NBEA: variants seen among roughly 807,000 people sequenced by gnomAD.
NBEA encodes the protein lysosomal-trafficking regulator 2.
NBEA carries 44 observed loss-of-function variants against 343.4 expected under a neutral mutation model. That is an observed-to-expected ratio of 0.13 (90% CI 0.10 to 0.16). NBEA has a LOEUF of 0.16. NBEA is among the 10% of genes least tolerant of loss of function. The probability of loss-of-function intolerance (pLI) is 1.00; values close to 1 mark genes in which losing one functional copy is unlikely to be tolerated. For missense variants in NBEA, 2,555 were observed against 3,631.3 expected, an observed-to-expected ratio of 0.70 and a Z score of 7.62; for synonymous variants, 1,175 against 1,238.7, an observed-to-expected ratio of 0.95 and a Z score of 1.08.
intron 38 of NBEA, among the ~76,000 whole-genome samples, chr13:35,369,381 G>A (rs778724989): frequency 2.6e-5 from 4 of 151,594 alleles, no homozygotes; most frequent in Non-Finnish European, 5.9e-5. Context: ...CTCTTTTAGG[G>A]TTCCATATGA....
At chr13:35,389,763 T>C (rs2042408793) in intron 38 of NBEA, among the ~76,000 whole-genome samples, 1 of 152,132 alleles carries the variant, frequency 6.6e-6, no homozygotes, top group Admixed American at 6.6e-5. Flanking sequence ...TTAAAAGGAA[T>C]ATAATGGCAG....
chr13:35,426,522 G>A (rs1028664513), intron 38 of NBEA, among the ~76,000 whole-genome samples: 4 of 152,206 alleles, frequency 2.6e-5, no homozygotes, highest in African/African-American at 9.7e-5. Context: ...TCAGCTGTTA[G>A]TCTGATGGGC....
At chr13:35,422,127 A>G (rs1207091714) in intron 38 of NBEA, among the ~76,000 whole-genome samples, 3 of 145,772 alleles carry the variant, frequency 2.1e-5, no homozygotes, top group Non-Finnish European at 4.5e-5. Flanking sequence ...GTTCTTTCAC[A>G]TGCAGAGCAT....
rs768336713 is a variant in NBEA at position 35,511,457 on chromosome 13, C to A, written c.6585+38921C>A. Among the ~76,000 whole-genome samples the A allele has an allele frequency of 7.2e-5, 11 of 151,942 alleles. No homozygotes were observed. The East Asian group carries it at 1.9e-3, about 27-fold the overall frequency. On this transcript the variant is annotated intron_variant, in intron 41 of 58. Transcript: ENST00000379939. ...CTACAATGAAATATTAAGTACAGAACCTATTACAGATTTTTCGAGCAAGGA... is the reference window on the plus strand; with the variant it reads ...CTACAATGAAATATTAAGTACAGAAACTATTACAGATTTTTCGAGCAAGGA...
intron 34 of NBEA, among the ~76,000 whole-genome samples, chr13:35,258,527 A>C (rs749647264): frequency 7.5e-5 from 9 of 120,190 alleles, no homozygotes; most frequent in Non-Finnish European, 1.2e-4. Context: ...ATCTGTTCTT[A>C]ATTTACTGGC....
chr13:35,294,346 T>C (rs995099207), intron 35 of NBEA, among the ~76,000 whole-genome samples: 4 of 151,916 alleles, frequency 2.6e-5, no homozygotes, highest in African/African-American at 9.7e-5. Context: ...GAAAAAAATA[T>C]ACTTTTCTTC....
chr13:35,668,272 G>T (rs1392449451), intron 57 of NBEA, 96 bp from the exon 58 acceptor site: 1 of 1,223,686 alleles, frequency 8.2e-7, no homozygotes, highest in Non-Finnish European at 1.1e-6. Context: ...TTTCAGTAGT[G>T]ACAGTTGGCT....
chr13:35,486,077 A>G (rs1178688413), intron 41 of NBEA, among the ~76,000 whole-genome samples: 1 of 152,082 alleles, frequency 6.6e-6, no homozygotes, highest in African/African-American at 2.4e-5. Flanking sequence ...CTTCACCTGA[A>G]TGAATGGTAA....
chr13:35,088,648 G>A (rs1378612059), intron 10 of NBEA, among the ~76,000 whole-genome samples: 1 of 151,874 alleles, frequency 6.6e-6, no homozygotes, highest in East Asian at 1.9e-4. Context: ...ATACATAGTA[G>A]TATACAAACT....
At chr13:35,232,257 G>T (rs1439554483) in intron 33 of NBEA, among the ~76,000 whole-genome samples, 1 of 152,120 alleles carries the variant, frequency 6.6e-6, no homozygotes, top group African/African-American at 2.4e-5. Context: ...CTTTCGGGTG[G>T]CATAACCCCA....
rs181473141 is a variant in NBEA, at chr13:35,161,612, T to C, written c.3862-138T>C. On this transcript the variant is annotated intron_variant, in intron 22 of 58. Coordinates refer to ENST00000379939, the MANE Select transcript of NBEA (RefSeq NM_001385012.1). The stretch of plus-strand genomic sequence containing the variant: ...GTGCAAGGAATTACCAGGTGAATAA[T>C]ATATGTGAAATATATTAAACTGCTA... 1.5e-3 allele frequency: 1,136 copies of C among 756,156 alleles called. 2 individuals are homozygous for C. Among genetic ancestry groups the C allele is most frequent in the Non-Finnish European group, 1.9e-3 (939 of 487,112 alleles). 46.8% of individuals were successfully genotyped at this position (756,156 alleles called of 1,614,324 possible). A position where few individuals can be genotyped will look rare whatever the true frequency, so the allele number is the denominator to read the frequency against.
intron 38 of NBEA, among the ~76,000 whole-genome samples, chr13:35,404,599 G>T (rs1263469188): frequency 8.7e-6 from 1 of 115,020 alleles, no homozygotes; most frequent in African/African-American, 3.4e-5. Flanking sequence ...TCTGGGGACT[G>T]TTGTGGGGTG....
At chr13:35,539,643 G>A (rs11841108) in intron 41 of NBEA, among the ~76,000 whole-genome samples, 4,661 of 141,580 alleles carry the variant, frequency 0.033, 100 homozygotes, top group South Asian at 0.12. Flanking sequence ...AGGGCCGGGC[G>A]GGGTGGCTCA....
rs1425389624 is a variant in NBEA, at chr13:35,609,337, T to G, written c.7449+2759T>G. On this transcript the variant is annotated intron_variant, in intron 48 of 58. Coordinates refer to ENST00000379939, the MANE Select transcript of NBEA (RefSeq NM_001385012.1). ...ATTTCCTGCTAGAAGAGTACTATTT[T>G]CAGTGGTACCCATTCCATTCAGTGT... Among the ~76,000 whole-genome samples, 3 of 152,344 alleles carry G rather than the reference T, an allele frequency of 2.0e-5. No individual in the cohort carries two copies. The East Asian group carries it at 5.8e-4, about 29-fold the overall frequency.
intron 31 of NBEA, among the ~76,000 whole-genome samples, chr13:35,197,175 A>G (rs900885243): frequency 6.6e-6 from 1 of 152,162 alleles, no homozygotes; most frequent in East Asian, 1.9e-4. Flanking sequence ...GTTAATGCCT[A>G]TTCCAAATAA....
intron 37 of NBEA, among the ~76,000 whole-genome samples, chr13:35,350,287 A>C (rs2040120659): frequency 6.6e-6 from 1 of 152,156 alleles, no homozygotes; most frequent in Non-Finnish European, 1.5e-5. Context: ...AACCAAGGTG[A>C]CATTAAGCCA....
At chr13:35,171,026 A>G in intron 25 of NBEA, 1 of 592,268 alleles carries the variant, frequency 1.7e-6, no homozygotes. Flanking sequence ...TTTTATAACT[A>G]AAGACATTTA....
chr13:35,099,904 T>A (rs2065552317), intron 11 of NBEA, among the ~76,000 whole-genome samples: 1 of 152,124 alleles, frequency 6.6e-6, no homozygotes, highest in African/African-American at 2.4e-5. Flanking sequence ...AGCGTTTTTT[T>A]ATAACAAATA....
chr13:35,383,983 A>G (rs1327097155), intron 38 of NBEA, among the ~76,000 whole-genome samples: 1 of 152,054 alleles, frequency 6.6e-6, no homozygotes, highest in Admixed American at 6.6e-5. Context: ...TGGCTGGCCA[A>G]AAGAGAGTCA....
Sources: allele counts gnomAD v4.1 joint callset (sites outside exome capture counted in the v4.1 genomes callset), GRCh38; gene constraint gnomAD v4.1.1; transcripts MANE v1.5; gene names NCBI Gene and HGNC (gene_info 2026-07-23, HGNC 2026-07-21).